Variants in TOM1L1 observed in about 807,000 individuals in gnomAD.
The protein encoded by TOM1L1 is target of myb1 like 1 membrane trafficking protein, also known as TOM1-like protein 1.
TOM1L1 carries 64 observed loss-of-function variants against 63.4 expected under a neutral mutation model. The observed-to-expected ratio is 1.01, with a 90% CI of 0.83 to 1.24. The LOEUF is 1.24. TOM1L1 is among the 50% of genes most tolerant of loss of function. The pLI is 0.00. For missense variants in TOM1L1, 536 were observed against 567.0 expected (o/e 0.95, Z 0.55); for synonymous variants, 166 against 194.4 (o/e 0.85, Z 1.22).
At chr17:54,918,587 A>G (rs1256748506) in intron 7 of TOM1L1, among the ~76,000 whole-genome samples, 2 of 152,194 alleles carry the variant, frequency 1.3e-5, no homozygotes, top group Admixed American at 6.5e-5. Flanking sequence ...TTGAAAGGAT[A>G]TAAGCTGAGG....
intron 14 of TOM1L1, among the ~76,000 whole-genome samples, chr17:54,951,205 T>C (rs543867104): frequency 4.3e-4 from 66 of 152,252 alleles, no homozygotes; most frequent in African/African-American, 1.5e-3. Context: ...TATTTACTGG[T>C]TTATTATAAA....
chr17:54,927,726 C>T (rs1051242734), intron 7 of TOM1L1, among the ~76,000 whole-genome samples: 1 of 152,176 alleles, frequency 6.6e-6, no homozygotes, highest in East Asian at 1.9e-4. Context: ...CTGACCTATC[C>T]CTTTTGTCCA....
intron 7 of TOM1L1, among the ~76,000 whole-genome samples, chr17:54,924,861 A>G (rs1171127191): frequency 2.0e-5 from 3 of 152,192 alleles, no homozygotes; most frequent in Admixed American, 6.5e-5. Context: ...TATTTTTTCA[A>G]TTTGATGGCT....
chr17:54,940,544 C>T (rs1366015151), intron 11 of TOM1L1, among the ~76,000 whole-genome samples: 1 of 152,104 alleles, frequency 6.6e-6, no homozygotes, highest in Non-Finnish European at 1.5e-5. Flanking sequence ...ACATTTTGGG[C>T]AATAGCAAGT....
chr17:54,955,721 T>C (rs2049467293), intron 14 of TOM1L1, among the ~76,000 whole-genome samples: 1 of 152,108 alleles, frequency 6.6e-6, no homozygotes, highest in South Asian at 2.1e-4. Context: ...AACTTCTTTT[T>C]CTCAACAATC....
intron 14 of TOM1L1, among the ~76,000 whole-genome samples, chr17:54,956,247 C>G (rs938531248): frequency 2.0e-5 from 3 of 152,194 alleles, no homozygotes; most frequent in African/African-American, 7.2e-5. Flanking sequence ...CAGGTTGAAG[C>G]AGTCCTCCCT....
At chr17:54,946,879 T>C (rs8065212) in intron 11 of TOM1L1, among the ~76,000 whole-genome samples, 25,388 of 152,200 alleles carry the variant, frequency 0.17, 2,622 homozygotes, top group East Asian at 0.47. Flanking sequence ...TAAGTGACAT[T>C]CAGTGGAGAG....
chr17:54,906,171 T>TA (rs536062822), intron 3 of TOM1L1, among the ~76,000 whole-genome samples: 13 of 149,514 alleles, frequency 8.7e-5, no homozygotes, highest in Middle Eastern at 3.5e-3. Context: ...CCTCAACTCT[T>TA]AAAAAAAAAG....
chr17:54,948,389 C>T (rs548602973), intron 12 of TOM1L1, among the ~76,000 whole-genome samples: 10 of 152,252 alleles, frequency 6.6e-5, no homozygotes, highest in South Asian at 6.2e-4. Context: ...CCGATCTGAC[C>T]GCACCCGTCA....
At chr17:54,932,907 C>G (rs1054606375) in intron 8 of TOM1L1, among the ~76,000 whole-genome samples, 11 of 152,178 alleles carry the variant, frequency 7.2e-5, no homozygotes, top group African/African-American at 2.4e-4. Flanking sequence ...AGGCTTCCTT[C>G]AAGGGGGAAC....
chr17:54,936,559 C>T (rs545520304), intron 8 of TOM1L1, 90 bp from the exon 9 acceptor site: 1 of 1,117,038 alleles, frequency 9.0e-7, no homozygotes, highest in East Asian at 2.6e-5. Flanking sequence ...TGTCTTCATT[C>T]CTAAATATTT....
intron 14 of TOM1L1, among the ~76,000 whole-genome samples, chr17:54,958,652 C>T (rs1256816301): frequency 6.8e-6 from 1 of 146,724 alleles, no homozygotes; most frequent in Non-Finnish European, 1.5e-5. Context: ...ATCGTTTGAA[C>T]CCAGGAGGTA....
intron 11 of TOM1L1, among the ~76,000 whole-genome samples, chr17:54,939,249 C>T (rs1042785182): frequency 1.3e-5 from 2 of 152,164 alleles, no homozygotes; most frequent in African/African-American, 4.8e-5. Context: ...TGGCATATGC[C>T]TATAATTCCA....
At chr17:54,958,577 A>C (rs889598072) in intron 14 of TOM1L1, among the ~76,000 whole-genome samples, 4 of 152,272 alleles carry the variant, frequency 2.6e-5, no homozygotes, top group Non-Finnish European at 5.9e-5. Flanking sequence ...CTAAAAATAC[A>C]AAAATTAGCC....
At chr17:54,936,114 A>G (rs1875448917) in intron 8 of TOM1L1, among the ~76,000 whole-genome samples, 1 of 151,134 alleles carries the variant, frequency 6.6e-6, no homozygotes, top group South Asian at 2.1e-4. Context: ...CAAGAGCGAA[A>G]CTCCATCTCA....
chr17:54,941,077 C>T (rs2143915904), intron 11 of TOM1L1, among the ~76,000 whole-genome samples: 1 of 152,224 alleles, frequency 6.6e-6, no homozygotes. Context: ...TTGTTAGGTT[C>T]TGATTTATCC....
At chr17:54,943,012 G>T (rs186724470) in intron 11 of TOM1L1, among the ~76,000 whole-genome samples, 1 of 152,152 alleles carries the variant, frequency 6.6e-6, no homozygotes, top group African/African-American at 2.4e-5. Context: ...GGCTATGTTG[G>T]ATCTTATTGG....
At chr17:54,929,148 ACT>A (rs1353534366) in intron 7 of TOM1L1, among the ~76,000 whole-genome samples, 1 of 151,974 alleles carries the variant, frequency 6.6e-6, no homozygotes, top group Non-Finnish European at 1.5e-5. Context: ...CACAGACAAA[ACT>A]CTAGCCAAGG....
chr17:54,955,815 G>A (rs1235861270), intron 14 of TOM1L1, among the ~76,000 whole-genome samples: 1 of 152,154 alleles, frequency 6.6e-6, no homozygotes, highest in Non-Finnish European at 1.5e-5. Flanking sequence ...GTAGTTCATG[G>A]AGCTGCTGCT....
Sources: gnomAD v4.1 joint callset for allele counts (sites outside exome capture counted in the v4.1 genomes callset) on GRCh38, gnomAD v4.1.1 for gene constraint, MANE v1.5 for transcripts, NCBI Gene and HGNC (gene_info 2026-07-23, HGNC 2026-07-21) for gene names.